RTN1: variants seen among roughly 807,000 people sequenced by gnomAD.
The protein encoded by RTN1 is reticulon-1.
RTN1 carries 25 observed loss-of-function variants against 65.5 expected under a neutral mutation model. That is an observed-to-expected ratio of 0.38 (90% CI 0.28 to 0.53). The LOEUF (loss-of-function observed/expected upper bound fraction) is 0.53. Ranked by LOEUF, RTN1 falls within the 20% of genes least tolerant of loss-of-function variation. The pLI is 0.79. For synonymous variants in RTN1, 471 were observed against 447.6 expected (o/e 1.05, Z -0.66); for missense variants, 983 against 1,025.4 (o/e 0.96, Z 0.57).
At chr14:59,807,030 T>G (rs1397863298) in intron 1 of RTN1, among the ~76,000 whole-genome samples, 1 of 152,226 alleles carries the variant, frequency 6.6e-6, no homozygotes, top group African/African-American at 2.4e-5. Context: ...AAAACCAATT[T>G]TGTAACTCTT....
intron 3 of RTN1, among the ~76,000 whole-genome samples, chr14:59,651,718 A>G (rs1051814902): frequency 1.3e-5 from 2 of 152,184 alleles, no homozygotes; most frequent in East Asian, 3.9e-4. Context: ...AGCCTGGGTG[A>G]CAGAGACTCC....
intron 1 of RTN1, among the ~76,000 whole-genome samples, chr14:59,822,026 A>C (rs1317531297): frequency 2.0e-5 from 3 of 152,200 alleles, no homozygotes; most frequent in African/African-American, 7.2e-5. Flanking sequence ...TGTTGGCCTC[A>C]TAGAGTGAGT....
At chr14:59,608,822 C>T (rs1189434128) in intron 3 of RTN1, among the ~76,000 whole-genome samples, 8 of 152,106 alleles carry the variant, frequency 5.3e-5, no homozygotes, top group African/African-American at 2.4e-5. Flanking sequence ...AGAAGAGGCT[C>T]ACAAGCATGT....
At chr14:59,856,539 G>C (rs530483166) in intron 1 of RTN1, among the ~76,000 whole-genome samples, 23 of 151,998 alleles carry the variant, frequency 1.5e-4, no homozygotes, top group Non-Finnish European at 2.4e-4. Context: ...GGTCCCCACG[G>C]GCACACCTCA....
At chr14:59,723,120 C>T (rs551316922) in intron 3 of RTN1, among the ~76,000 whole-genome samples, 4 of 152,114 alleles carry the variant, frequency 2.6e-5, no homozygotes, top group Non-Finnish European at 4.4e-5. Flanking sequence ...AATTCTGTGC[C>T]ATTTTGTACA....
At chr14:59,612,891 T>G (rs577735492) in intron 3 of RTN1, among the ~76,000 whole-genome samples, 1 of 152,338 alleles carries the variant, frequency 6.6e-6, no homozygotes, top group East Asian at 1.9e-4. Flanking sequence ...GGAAAAGCAA[T>G]AGAAACTGCT....
chr14:59,819,407 CACCACCACCCCCCCCCCACCCCCCA>C (rs1566737408), intron 1 of RTN1, among the ~76,000 whole-genome samples: 1 of 17,394 alleles, frequency 5.7e-5, no homozygotes, highest in South Asian at 2.5e-3. Flanking sequence ...GCATCCACAC[CACCACCACCCCCCCCCCACCCCCCA>C]CCCCCCCCCC....
intron 3 of RTN1, among the ~76,000 whole-genome samples, chr14:59,681,147 A>T (rs1295545345): frequency 2.0e-5 from 3 of 152,106 alleles, no homozygotes; most frequent in Non-Finnish European, 2.9e-5. Context: ...ATAAAACTAC[A>T]AATCTATTTT....
intron 3 of RTN1, among the ~76,000 whole-genome samples, chr14:59,665,638 C>T (rs1024304347): frequency 1.3e-5 from 2 of 152,148 alleles, no homozygotes; most frequent in Non-Finnish European, 2.9e-5. Context: ...TTAAAAGACA[C>T]AGACTGGCAA....
At chr14:59,656,454 T>C (rs1040551174) in intron 3 of RTN1, among the ~76,000 whole-genome samples, 2 of 152,252 alleles carry the variant, frequency 1.3e-5, no homozygotes, top group African/African-American at 4.8e-5. Flanking sequence ...CAAGGCTTGG[T>C]GAACAGAGTG....
At chr14:59,682,204 T>G (rs10141258) in intron 3 of RTN1, among the ~76,000 whole-genome samples, 2,879 of 152,264 alleles carry the variant, frequency 0.019, 99 homozygotes, top group African/African-American at 0.064. Flanking sequence ...TTTACACACA[T>G]TCTTTTCTTC....
rs1013450756 is a variant in RTN1 at position 59,836,760 on chromosome 14, C to T, written c.241+33630G>A. Among the ~76,000 whole-genome samples the T allele has an allele frequency of 1.3e-5, 2 of 152,028 alleles. No individual in the cohort carries two copies. The highest frequency in any genetic ancestry group is 2.4e-5 in the African/African-American group (1 of 41,372). On this transcript the variant is annotated intron_variant, in intron 1 of 8. Transcript: ENST00000267484. The surrounding 1 kb of genome is among the most constrained non-coding windows in gnomAD (Gnocchi z 4.9). ...AAGATGGGTCAAGGAGGAAGAAAGC[C>T]AATGCTGAGCGGGGTGACACATCGC...
chr14:59,727,144 G>A lies in RTN1; in HGVS notation c.1540C>T (p.Arg514Trp), dbSNP rs759537844. 9 of 1,601,002 alleles carry A rather than the reference G, an allele frequency of 5.6e-6. No individual in the cohort carries two copies. Among genetic ancestry groups the A allele is most frequent in the South Asian group, 1.1e-5 (1 of 89,334 alleles). The change falls in exon 3 of 9, where the codon CGG becomes TGG. Residue 514 changes from arginine (R) to tryptophan (W), a missense_variant. Physicochemically the swap from Arg to Trp is moderately radical, Grantham distance 101 (BLOSUM62 -3). This residue lies in a region of RTN1 where 818 missense variants were observed against 801.8 expected (regional missense o/e 1.02). Transcript: ENST00000267484. The surrounding 1 kb of genome is among the most constrained non-coding windows in gnomAD (Gnocchi z 4.2). ...VRAEERAPSRRGLAEPGSFLD... is the reference protein window; with the variant it reads ...VRAEERAPSRWGLAEPGSFLD... Reference sequence around the variant, plus strand: ...AAGGAACCCGGCTCGGCCAGGCCCCGCCGGCTTGGCGCACGCTCCTCGGCC... The same window carrying A: ...AAGGAACCCGGCTCGGCCAGGCCCCACCGGCTTGGCGCACGCTCCTCGGCC...
At chr14:59,715,915 A>C (rs1884525173) in intron 3 of RTN1, among the ~76,000 whole-genome samples, 1 of 152,176 alleles carries the variant, frequency 6.6e-6, no homozygotes, top group South Asian at 2.1e-4. Context: ...CTTATATCCA[A>C]ACTTTCTAGA....
intron 1 of RTN1, among the ~76,000 whole-genome samples, chr14:59,837,478 T>C (rs1403468228): frequency 6.6e-6 from 1 of 152,100 alleles, no homozygotes; most frequent in Non-Finnish European, 1.5e-5. Flanking sequence ...ATATTTCTAA[T>C]ATGTCAACAC....
intron 2 of RTN1, among the ~76,000 whole-genome samples, chr14:59,730,691 C>T (rs1884879163): frequency 6.6e-6 from 1 of 152,090 alleles, no homozygotes; most frequent in Admixed American, 6.6e-5. Flanking sequence ...GGGCAAAGAA[C>T]TTCAATAGAC....
At chr14:59,762,945 T>C (rs1885777938) in intron 1 of RTN1, among the ~76,000 whole-genome samples, 1 of 152,230 alleles carries the variant, frequency 6.6e-6, no homozygotes. Flanking sequence ...CATGTTCTGC[T>C]GGTCATGAGA....
chr14:59,655,035 C>T (rs180783292), intron 3 of RTN1, among the ~76,000 whole-genome samples: 1 of 152,106 alleles, frequency 6.6e-6, no homozygotes, highest in East Asian at 1.9e-4. Flanking sequence ...TCTATCTGCA[C>T]ACAAAATGAT....
In RTN1 at chr14:59,650,833, A is replaced by T. The variant is rs551192569; in HGVS notation, c.1766-43341T>A. ...TATCATTAAAATGGCCATACTGGCCAAAGAAATTTATAGGTTCAAACCTAT... is the reference window on the plus strand; with the variant it reads ...TATCATTAAAATGGCCATACTGGCCTAAGAAATTTATAGGTTCAAACCTAT... On this transcript the variant is annotated intron_variant, in intron 3 of 8. Coordinates refer to ENST00000267484, the MANE Select transcript of RTN1 (RefSeq NM_021136.3). 7.9e-5 allele frequency among the ~76,000 whole-genome samples: 12 copies of T among 152,330 alleles called. No individual in the cohort carries two copies. In the South Asian group the frequency reaches 2.1e-3, roughly 26 times the overall value.
Sources: allele counts gnomAD v4.1 joint callset (sites outside exome capture counted in the v4.1 genomes callset), GRCh38; gene constraint gnomAD v4.1.1; regional missense constraint gnomAD v4.1.1; non-coding constraint Gnocchi (gnomAD v3.1); transcripts MANE v1.5; gene names NCBI Gene and HGNC (gene_info 2026-07-23, HGNC 2026-07-21).